PSD: variants seen among roughly 807,000 people sequenced by gnomAD.
The protein encoded by PSD is pleckstrin and Sec7 domain containing, also known as PH and SEC7 domain-containing protein 1.
A neutral mutation model predicts 91.6 loss-of-function variants in PSD; 32 were observed. The ratio of observed to expected loss-of-function variants is 0.35; its 90% CI spans 0.26 to 0.47. PSD has a LOEUF of 0.47. PSD is among the 20% of genes least tolerant of loss of function. PSD has a pLI of 1.00. For missense variants in PSD, 1,099 were observed against 1,373.9 expected (o/e 0.80, Z 3.16); for synonymous variants, 532 against 569.3 (o/e 0.93, Z 0.93).
chr10:102,403,693 T>C lies in PSD; in HGVS notation c.2844+149A>G. The stretch of plus-strand genomic sequence containing the variant: ...CCTCGAGACCCCAGTGGATGTCAAA[T>C]GTTATCCTTGTTGCACAGAGGAGGA... On this transcript the variant is annotated intron_variant, in intron 16 of 16. Transcript: ENST00000020673. The surrounding 1 kb of genome is among the most constrained non-coding windows in gnomAD (Gnocchi z 6.7). The C allele has an allele frequency of 5.4e-6, 6 of 1,113,294 alleles. No homozygotes were observed. Among genetic ancestry groups the C allele is most frequent in the Non-Finnish European group, 7.5e-6 (6 of 801,532 alleles). 69.0% of individuals were successfully genotyped at this position (1,113,294 alleles called of 1,614,324 possible).
chr10:102,409,355 G>C lies in PSD; in HGVS notation c.2091+1503C>G, dbSNP rs1589886510. ...CTGGGGGCGGGGACCGCATGAAATG[G>C]AGGCGCCCGATCGCGAAGGGGGCCC... On this transcript the variant is annotated intron_variant, in intron 10 of 16. Transcript: ENST00000020673. This position sits in a 1 kb window ranked among gnomAD's most constrained non-coding sequence, Gnocchi z 5.7. 3.0e-6 allele frequency: 3 copies of C among 985,356 alleles called. No individual in the cohort carries two copies. The East Asian group carries it at 3.4e-4, about 112-fold the overall frequency. 61.0% of individuals were successfully genotyped at this position (985,356 alleles called of 1,614,324 possible).
rs1347874201 is a variant in PSD, at chr10:102,411,128, C to G, written c.1943-12G>C. ...CGTGTGGGCGCCGTCTAGGGGAGAG[C>G]TGACTTTCAGCCTTGGCTGCCTCCC... On this transcript the variant is annotated splice_polypyrimidine_tract_variant and intron_variant, in intron 8 of 16. Transcript: ENST00000020673. The G allele has an allele frequency of 6.3e-7, 1 of 1,597,296 alleles. No individual in the cohort carries two copies. The highest frequency in any genetic ancestry group is 8.6e-7 in the Non-Finnish European group (1 of 1,168,722).
At position 102,414,044 on chromosome 10, in the gene PSD, C is replaced by T. The variant is rs766691131; in HGVS notation, c.1278G>A (p.Leu426=). 1 of 1,614,040 alleles carries T rather than the reference C, an allele frequency of 6.2e-7. No homozygotes were observed. Among genetic ancestry groups the T allele is most frequent in the South Asian group, 1.1e-5 (1 of 91,086 alleles). ...KGTSYTSLAS[L]EALASPGPTQ... is the part of the protein sequence containing the mutation. ...TTGGGCCAGGTGAGGCCAAGGCCTCCAGCGAGGCGAGGCTGGTATAGGAGG... is the reference window on the plus strand; with the variant it reads ...TTGGGCCAGGTGAGGCCAAGGCCTCTAGCGAGGCGAGGCTGGTATAGGAGG... Residue 426 remains leucine, a synonymous_variant, in exon 5 of 17, where the codon CTG becomes CTA. Transcript: ENST00000020673. This position sits in a 1 kb window ranked among gnomAD's most constrained non-coding sequence, Gnocchi z 5.6.
rs1589876916 is a variant in PSD at position 102,403,046 on chromosome 10, G to A, written c.*154C>T. 5 of 294,534 alleles carry A rather than the reference G, an allele frequency of 1.7e-5. No individual in the cohort carries two copies. Among genetic ancestry groups the A allele is most frequent in the Non-Finnish European group, 2.8e-5 (5 of 176,644 alleles). The allele number at this position is 294,534 out of a possible 1,614,324, so 18.2% of individuals were successfully genotyped here. Reference sequence around the variant, plus strand: ...CCCTAGCCTAGGCTCCTGAGGCCCAGGCCCCAGCCCTGCCCTGCCCCGGAC... The same window carrying A: ...CCCTAGCCTAGGCTCCTGAGGCCCAAGCCCCAGCCCTGCCCTGCCCCGGAC... On this transcript the variant is annotated 3_prime_UTR_variant, in exon 17 of 17. Transcript: ENST00000020673. The surrounding 1 kb of genome is among the most constrained non-coding windows in gnomAD (Gnocchi z 6.7).
chr10:102,408,401 A>C (rs1004248547), intron 10 of PSD, among the ~76,000 whole-genome samples: 33 of 152,046 alleles, frequency 2.2e-4, no homozygotes, highest in Non-Finnish European at 2.5e-4. Flanking sequence ...GGTGTACCCC[A>C]CAGCCTCCAA....
At position 102,403,995 on chromosome 10, in the gene PSD, A is replaced by AG. The variant is rs1234743259; in HGVS notation, c.2701-11dup. 5 of 1,544,522 alleles carry AG rather than the reference A, an allele frequency of 3.2e-6. No individual in the cohort carries two copies. Among genetic ancestry groups the AG allele is most frequent in the Non-Finnish European group, 3.5e-6 (4 of 1,147,298 alleles). ...TCCGCACCTGCTCCTCCTAGCGGCC[A>AG]GGGGGAGGCATGGTCATGGTCACTC... On this transcript the variant is annotated splice_polypyrimidine_tract_variant and intron_variant, in intron 15 of 16. Coordinates refer to ENST00000020673, the MANE Select transcript of PSD (RefSeq NM_002779.5). The surrounding 1 kb of genome is among the most constrained non-coding windows in gnomAD (Gnocchi z 6.7).
Position 102,404,814 on chromosome 10 carries a change from G to A in PSD, c.2555+84C>T. ...CCTGGCTCAAGTGTGGCCTGAGAAG[G>A]AATGAAAAAATCCAGGGACAGGGAG... On this transcript the variant is annotated intron_variant, in intron 14 of 16. Coordinates refer to ENST00000020673, the MANE Select transcript of PSD (RefSeq NM_002779.5). This position sits in a 1 kb window ranked among gnomAD's most constrained non-coding sequence, Gnocchi z 5.7. The A allele has an allele frequency of 1.9e-6, 3 of 1,567,394 alleles. No individual in the cohort carries two copies. The highest frequency in any genetic ancestry group is 2.6e-6 in the Non-Finnish European group (3 of 1,155,004).
At chr10:102,408,985 G>C in intron 10 of PSD, 4 of 987,386 alleles carry the variant, frequency 4.1e-6, no homozygotes, top group Non-Finnish European at 4.8e-6. Flanking sequence ...GCGGCCAGCC[G>C]TAGCACAGGG....
In PSD at chr10:102,415,208, G is replaced by A. The variant is rs373048001; in HGVS notation, c.779C>T (p.Ala260Val). ...GCCCACCCCAGGTGGAGATGGGGGG[G>A]CCTGCTCTGGGGGCTTAGCACCTGT... The part of the protein sequence containing the change: ...PSSGAKPPEQ[A>V]PPSPPGVGSR... The change falls in exon 4 of 17, where the codon GCC becomes GTC. Residue 260 changes from alanine to valine, a missense_variant. This residue lies in a region of PSD where 631 missense variants were observed against 728.8 expected (regional missense o/e 0.87). Transcript: ENST00000020673. 5.3e-5 allele frequency: 86 copies of A among 1,610,466 alleles called. No individual in the cohort carries two copies. Among genetic ancestry groups the A allele is most frequent in the Non-Finnish European group, 7.0e-5 (82 of 1,178,364 alleles).
At chr10:102,411,682 C>T in intron 8 of PSD, 25 bp downstream of exon 8, 2 of 1,584,708 alleles carry the variant, frequency 1.3e-6, no homozygotes, top group South Asian at 1.1e-5. Context: ...CAGCTAAGGA[C>T]ACCCCTGCTC....
rs1455947425 is a variant in PSD at position 102,404,116 on chromosome 10, A to G, written c.2701-131T>C. 9 of 1,114,318 alleles carry G rather than the reference A, an allele frequency of 8.1e-6. No individual in the cohort carries two copies. In the South Asian group the frequency reaches 9.1e-5, roughly 11 times the overall value. The allele number at this position is 1,114,318 out of a possible 1,614,324, so 69.0% of individuals were successfully genotyped here. Reference sequence around the variant, plus strand: ...GTAATCCCAGCACTTTGGGAGGCCAAGGCGGGCGGATCACGAGGTCAGGAG... The same window carrying G: ...GTAATCCCAGCACTTTGGGAGGCCAGGGCGGGCGGATCACGAGGTCAGGAG... On this transcript the variant is annotated intron_variant, in intron 15 of 16. Transcript: ENST00000020673. This position sits in a 1 kb window ranked among gnomAD's most constrained non-coding sequence, Gnocchi z 5.7.
Position 102,403,875 on chromosome 10 carries a change from C to T in PSD, c.2811G>A (p.Glu937=), listed in dbSNP as rs747791292. The change falls in exon 16 of 17, where the codon GAG becomes GAA. Residue 937 remains glutamate, a synonymous_variant. Coordinates refer to ENST00000020673, the MANE Select transcript of PSD (RefSeq NM_002779.5). The surrounding 1 kb of genome is among the most constrained non-coding windows in gnomAD (Gnocchi z 6.7). ...CCAGGTAGGCCTCCTTCTGCCGCTG[C>T]TCTTCAGCCTCCTTGCCCCGGCCCT... ...GKKGRGKEAE[E]QRQKEAYLEF... 3.7e-6 allele frequency: 6 copies of T among 1,609,330 alleles called. No homozygotes were observed. The East Asian group carries it at 8.9e-5, about 24-fold the overall frequency.
chr10:102,413,833 T>A lies in PSD; in HGVS notation c.1489A>T (p.Arg497Trp). ...GAGTGGCAGGGACTAGGGGGCTCCC[T>A]CCCTGGGGCCAGCTTGGCTCTGGCC... ...AEARAKLAPG[R>W]EPPSPCHSED... The change falls in exon 5 of 17, where the codon AGG (arginine) becomes TGG (tryptophan). Residue 497 changes from arginine (R) to tryptophan (W), a missense_variant. Around this residue, in one of 3 missense-constraint regions of PSD, gnomAD observed 631 missense variants for 728.8 expected, o/e 0.87. Transcript: ENST00000020673. 2 of 1,614,066 alleles carry A rather than the reference T, an allele frequency of 1.2e-6. No homozygotes were observed. Among genetic ancestry groups the A allele is most frequent in the Non-Finnish European group, 8.5e-7 (1 of 1,179,968 alleles).
In PSD at chr10:102,404,074, C is replaced by A; in HGVS notation, c.2701-89G>T. The A allele has an allele frequency of 2.8e-6, 4 of 1,428,038 alleles. No individual in the cohort carries two copies. The highest frequency in any genetic ancestry group is 2.8e-6 in the Non-Finnish European group (3 of 1,083,084). 88.5% of individuals were successfully genotyped at this position (1,428,038 alleles called of 1,614,324 possible). A position where few individuals can be genotyped will look rare whatever the true frequency, so the allele number is the denominator to read the frequency against. On this transcript the variant is annotated intron_variant, in intron 15 of 16. Coordinates refer to ENST00000020673, the MANE Select transcript of PSD (RefSeq NM_002779.5). The surrounding 1 kb of genome is among the most constrained non-coding windows in gnomAD (Gnocchi z 5.7). The stretch of plus-strand genomic sequence containing the variant: ...TAAAAAGATACCCCTTCCAGCCGGG[C>A]GCGGTGGCTCACGCCTGTAATCCCA...
Position 102,407,172 on chromosome 10 carries a change from GC to G in PSD, c.2135+50del, listed in dbSNP as rs748566161. ...CCAGCTCTCTCAGCCTCCCCAGGCA[GC>G]CCCTTCCCCATGCCCCATCCTAGCC... On this transcript the variant is annotated intron_variant, in intron 11 of 16. Coordinates refer to ENST00000020673, the MANE Select transcript of PSD (RefSeq NM_002779.5). The G allele has an allele frequency of 1.9e-4, 295 of 1,531,232 alleles. 3 individuals carry two copies. The highest frequency in any genetic ancestry group is 2.5e-4 in the Non-Finnish European group (276 of 1,125,188). The allele number at this position is 1,531,232 out of a possible 1,614,324, so 94.9% of individuals were successfully genotyped here. A position where few individuals can be genotyped will look rare whatever the true frequency, so the allele number is the denominator to read the frequency against.
At chr10:102,412,981 G>T (rs1006338782) in intron 5 of PSD, among the ~76,000 whole-genome samples, 31 of 152,208 alleles carry the variant, frequency 2.0e-4, no homozygotes, top group Non-Finnish European at 4.4e-5. Context: ...GCCAGGGAAA[G>T]ATTTGAGGGC....
intron 3 of PSD, 56 bp from the exon 4 acceptor site, chr10:102,415,285 T>TA: frequency 6.6e-7 from 1 of 1,523,654 alleles, no homozygotes; most frequent in Non-Finnish European, 8.8e-7. Context: ...CTCCCTGTCC[T>TA]AATTCTGCTC....
rs1260098786 is a variant in PSD at position 102,404,134 on chromosome 10, G to A, written c.2701-149C>T. On this transcript the variant is annotated intron_variant, in intron 15 of 16. Transcript: ENST00000020673. This position sits in a 1 kb window ranked among gnomAD's most constrained non-coding sequence, Gnocchi z 5.7. ...GAGGCCAAGGCGGGCGGATCACGAGGTCAGGAGATCGAGACCATCCTGGCT... is the reference window on the plus strand; with the variant it reads ...GAGGCCAAGGCGGGCGGATCACGAGATCAGGAGATCGAGACCATCCTGGCT... 12 of 950,980 alleles carry A rather than the reference G, an allele frequency of 1.3e-5. No individual in the cohort carries two copies. Among genetic ancestry groups the A allele is most frequent in the Non-Finnish European group, 1.8e-5 (12 of 670,436 alleles). The allele number at this position is 950,980 out of a possible 1,614,324, so 58.9% of individuals were successfully genotyped here.
At position 102,416,190 on chromosome 10, in the gene PSD, A is replaced by C; in HGVS notation, c.655-71T>G. 1 of 1,309,674 alleles carries C rather than the reference A, an allele frequency of 7.6e-7. No homozygotes were observed. The highest frequency in any genetic ancestry group is 1.1e-6 in the Non-Finnish European group (1 of 932,286). 81.1% of individuals were successfully genotyped at this position (1,309,674 alleles called of 1,614,324 possible). On this transcript the variant is annotated intron_variant, in intron 2 of 16. Coordinates refer to ENST00000020673, the MANE Select transcript of PSD (RefSeq NM_002779.5). The surrounding 1 kb of genome is among the most constrained non-coding windows in gnomAD (Gnocchi z 6.0). The stretch of plus-strand genomic sequence containing the variant: ...ATACAAGGACACAAGAATATGGGAC[A>C]GAAACAGAAATTAAAACATGCATCG...
Sources: allele counts gnomAD v4.1 joint callset (sites outside exome capture counted in the v4.1 genomes callset), GRCh38; gene constraint gnomAD v4.1.1; regional missense constraint gnomAD v4.1.1; non-coding constraint Gnocchi (gnomAD v3.1); transcripts MANE v1.5; gene names NCBI Gene and HGNC (gene_info 2026-07-23, HGNC 2026-07-21).